The following RIMS1 variants were observed in gnomAD, a reference collection of about 807,000 sequenced individuals.
RIMS1 encodes regulating synaptic membrane exocytosis protein 1.
RIMS1 carries 83 observed loss-of-function variants against 214.1 expected under a neutral mutation model. The ratio of observed to expected loss-of-function variants is 0.39; its 90% CI spans 0.32 to 0.47. The LOEUF (loss-of-function observed/expected upper bound fraction) is 0.47, where lower values mean the gene tolerates loss of function less well. Among genes scored for constraint, RIMS1 ranks in the 20% least tolerant of loss-of-function variants. The pLI is 0.99. For missense variants in RIMS1, 2,050 were observed against 2,161.8 expected (o/e 0.95, Z 1.03); for synonymous variants, 793 against 786.8 (o/e 1.01, Z -0.13).
intron 29 of RIMS1, among the ~76,000 whole-genome samples, chr6:72,349,740 A>G (rs1481193612): frequency 6.6e-6 from 1 of 152,072 alleles, no homozygotes; most frequent in African/African-American, 2.4e-5. Context: ...ATCTTTAGGT[A>G]ACTTAACCTG....
rs150018758 is a variant in RIMS1 at position 72,225,668 on chromosome 6, C to A, written c.1679-8105C>A. Among the ~76,000 whole-genome samples, 1,359 of 152,182 alleles carry A rather than the reference C, an allele frequency of 8.9e-3. 66 individuals carry two copies. The highest frequency in any genetic ancestry group is 0.079 in the Admixed American group (1,208 of 15,264). Reference sequence around the variant, plus strand: ...CACAGGGTTTCCTGGCTGGTTATTCCGAGACTTTGCACTTGACAACCTGTT... The same window carrying A: ...CACAGGGTTTCCTGGCTGGTTATTCAGAGACTTTGCACTTGACAACCTGTT... On this transcript the variant is annotated intron_variant, in intron 6 of 33. Transcript: ENST00000521978.
At chr6:72,030,530 T>C (rs1227050189) in intron 2 of RIMS1, among the ~76,000 whole-genome samples, 1 of 152,160 alleles carries the variant, frequency 6.6e-6, no homozygotes, top group East Asian at 1.9e-4. Context: ...TTTGCATTAA[T>C]TTGCCATGTC....
chr6:72,003,906 A>G (rs1420292391), intron 2 of RIMS1, among the ~76,000 whole-genome samples: 2 of 150,258 alleles, frequency 1.3e-5, no homozygotes, highest in Non-Finnish European at 3.0e-5. Flanking sequence ...TTTAGGGTAC[A>G]TGTGCACAAT....
chr6:72,350,092 A>AT (rs1203473591), intron 29 of RIMS1, among the ~76,000 whole-genome samples: 1 of 152,118 alleles, frequency 6.6e-6, no homozygotes, highest in Non-Finnish European at 1.5e-5. Context: ...CTCATGGATC[A>AT]TTCTTTATTC....
At chr6:72,256,414 A>T (rs944245031) in intron 16 of RIMS1, among the ~76,000 whole-genome samples, 4 of 152,166 alleles carry the variant, frequency 2.6e-5, no homozygotes, top group Non-Finnish European at 5.9e-5. Context: ...TCTTAAAAGG[A>T]TAAAAGAGGC....
At chr6:72,170,446 C>A (rs898750042) in intron 4 of RIMS1, among the ~76,000 whole-genome samples, 1 of 152,116 alleles carries the variant, frequency 6.6e-6, no homozygotes, top group African/African-American at 2.4e-5. Context: ...CAGGTTCAAG[C>A]GATGCTCCTG....
At chr6:72,151,765 G>A (rs1212751356) in intron 4 of RIMS1, among the ~76,000 whole-genome samples, 3 of 152,170 alleles carry the variant, frequency 2.0e-5, no homozygotes, top group Non-Finnish European at 4.4e-5. Context: ...ATAGCATGAT[G>A]TGTTAGTTTT....
chr6:72,052,975 A>C (rs766556141), intron 2 of RIMS1, among the ~76,000 whole-genome samples: 1 of 152,140 alleles, frequency 6.6e-6, no homozygotes, highest in Non-Finnish European at 1.5e-5. Context: ...CCACAGGGTT[A>C]ATCTTATTTA....
At chr6:71,963,457 C>T (rs1793542932) in intron 1 of RIMS1, among the ~76,000 whole-genome samples, 2 of 152,014 alleles carry the variant, frequency 1.3e-5, no homozygotes, top group Admixed American at 6.6e-5. Flanking sequence ...TTTTCCTGCT[C>T]TCTTTAGAAA....
At chr6:72,095,111 C>A (rs975281997) in intron 2 of RIMS1, among the ~76,000 whole-genome samples, 8 of 126,138 alleles carry the variant, frequency 6.3e-5, no homozygotes, top group African/African-American at 2.3e-4. Flanking sequence ...CCACCACGCC[C>A]GACTATTTTT....
chr6:72,379,936 T>C (rs1426109480), intron 29 of RIMS1, among the ~76,000 whole-genome samples: 8 of 152,098 alleles, frequency 5.3e-5, no homozygotes, highest in Non-Finnish European at 1.2e-4. Context: ...CCCCAAAACC[T>C]TGAGTTTAAA....
chr6:72,194,408 T>C (rs1486831379), intron 6 of RIMS1, among the ~76,000 whole-genome samples: 1 of 152,078 alleles, frequency 6.6e-6, no homozygotes, highest in Non-Finnish European at 1.5e-5. Context: ...CATAGATATA[T>C]ACTACTATTT....
intron 1 of RIMS1, among the ~76,000 whole-genome samples, chr6:71,891,314 C>T (rs887212308): frequency 6.6e-6 from 1 of 152,196 alleles, no homozygotes; most frequent in African/African-American, 2.4e-5. Flanking sequence ...TCCTACAAAT[C>T]CTTCAGTCCA....
intron 28 of RIMS1, among the ~76,000 whole-genome samples, chr6:72,314,107 G>T (rs1182243493): frequency 6.6e-6 from 1 of 152,096 alleles, no homozygotes; most frequent in Non-Finnish European, 1.5e-5. Context: ...TAACAAAATA[G>T]ACATCCCTAG....
intron 6 of RIMS1, among the ~76,000 whole-genome samples, chr6:72,206,512 T>A (rs1294123801): frequency 2.0e-5 from 3 of 152,192 alleles, no homozygotes; most frequent in Admixed American, 2.0e-4. Flanking sequence ...TCATTTTTCT[T>A]GGTTACTTCT....
chr6:72,014,334 G>A (rs1041315296), intron 2 of RIMS1, among the ~76,000 whole-genome samples: 1 of 152,200 alleles, frequency 6.6e-6, no homozygotes, highest in East Asian at 1.9e-4. Context: ...GGGGATTATG[G>A]AAACTACAAT....
intron 29 of RIMS1, among the ~76,000 whole-genome samples, chr6:72,350,259 A>G (rs1311467281): frequency 6.6e-6 from 1 of 152,158 alleles, no homozygotes; most frequent in Non-Finnish European, 1.5e-5. Flanking sequence ...GACCATGATA[A>G]TAAAGCATAT....
intron 2 of RIMS1, among the ~76,000 whole-genome samples, chr6:71,994,040 A>G (rs1349017292): frequency 6.6e-6 from 1 of 152,210 alleles, no homozygotes; most frequent in Non-Finnish European, 1.5e-5. Flanking sequence ...ATTCAAGAGC[A>G]TTGTACTCTT....
intron 2 of RIMS1, among the ~76,000 whole-genome samples, chr6:71,986,493 G>T (rs775260898): frequency 1.3e-5 from 2 of 152,160 alleles, no homozygotes; most frequent in African/African-American, 4.8e-5. Flanking sequence ...ATGCCTTGTC[G>T]TGGGGAGAAG....
Sources: gnomAD v4.1 joint callset for allele counts (sites outside exome capture counted in the v4.1 genomes callset) on GRCh38, gnomAD v4.1.1 for gene constraint, MANE v1.5 for transcripts, NCBI Gene and HGNC (gene_info 2026-07-23, HGNC 2026-07-21) for gene names.